P4HA1: variants seen among roughly 807,000 people sequenced by gnomAD.
P4HA1 encodes prolyl 4-hydroxylase subunit alpha 1.
Under a neutral mutation model 72.8 loss-of-function variants are expected in P4HA1, and 24 were observed. That is an observed-to-expected ratio of 0.33 (90% CI 0.24 to 0.46). P4HA1 has a LOEUF of 0.46. Ranked by LOEUF, P4HA1 falls within the 20% of genes least tolerant of loss-of-function variation. The pLI, the probability that P4HA1 is intolerant of heterozygous loss-of-function variation, is 1.00. For synonymous variants in P4HA1, 201 were observed against 218.8 expected (o/e 0.92, Z 0.72); for missense variants, 446 against 640.6 (o/e 0.70, Z 3.28).
At chr10:73,011,444 T>C (rs1839907571) in intron 12 of P4HA1, among the ~76,000 whole-genome samples, 1 of 152,190 alleles carries the variant, frequency 6.6e-6, no homozygotes, top group Non-Finnish European at 1.5e-5. Context: ...TGATCATTAA[T>C]GTCTAGAACA....
At chr10:73,093,861 AAAAAAAAAAAAAATATATATATATAT>A in intron 1 of P4HA1, among the ~76,000 whole-genome samples, 1 of 71,416 alleles carries the variant, frequency 1.4e-5, no homozygotes, top group African/African-American at 6.7e-5. Context: ...AAAAAAAAAA[AAAAAAAAAAAAAATATATATATATAT>A]ATATATATAT....
chr10:73,018,558 C>T (rs1472224346), intron 10 of P4HA1, among the ~76,000 whole-genome samples: 1 of 152,126 alleles, frequency 6.6e-6, no homozygotes, highest in South Asian at 2.1e-4. Context: ...TGTACCTGGC[C>T]TCAGAGTCTG....
intron 1 of P4HA1, among the ~76,000 whole-genome samples, chr10:73,091,192 AAATAAAT>A (rs1842024060): frequency 6.6e-6 from 1 of 151,902 alleles, no homozygotes; most frequent in African/African-American, 2.4e-5. Flanking sequence ...ATAAATAAAT[AAATAAAT>A]AAAAAGGAGG....
chr10:73,096,376 G>C lies in P4HA1; in HGVS notation c.-33+390C>G, dbSNP rs555811807. 3.3e-5 allele frequency among the ~76,000 whole-genome samples: 5 copies of C among 152,052 alleles called. No homozygotes were observed. In the East Asian group the frequency reaches 7.7e-4, roughly 23 times the overall value. Reference sequence around the variant, plus strand: ...CCAAAAGCCCACGCCCCGCGCTTGCGTTCCCCTTAGCCTCGTTAGGGAGGA... The same window carrying C: ...CCAAAAGCCCACGCCCCGCGCTTGCCTTCCCCTTAGCCTCGTTAGGGAGGA... On this transcript the variant is annotated intron_variant, in intron 1 of 14. Transcript: ENST00000394890.
intron 10 of P4HA1, among the ~76,000 whole-genome samples, chr10:73,020,348 G>GA (rs1159894802): frequency 6.6e-6 from 1 of 151,648 alleles, no homozygotes; most frequent in Non-Finnish European, 1.5e-5. Flanking sequence ...GACTGAAACA[G>GA]AAAAAAACTG....
In P4HA1 at chr10:73,009,660, T is replaced by C. The variant is rs933362054; in HGVS notation, c.1534+147A>G. On this transcript the variant is annotated intron_variant, in intron 14 of 14. Coordinates refer to ENST00000394890, the MANE Select transcript of P4HA1 (RefSeq NM_001017962.3). ...AAATTCTGATTTCAAATTTGTATTATGATTAGGCACTTGTTTGGCTGAATC... is the reference window on the plus strand; with the variant it reads ...AAATTCTGATTTCAAATTTGTATTACGATTAGGCACTTGTTTGGCTGAATC... 8.0e-6 allele frequency: 4 copies of C among 498,718 alleles called. No individual in the cohort carries two copies. In the Admixed American group the frequency reaches 1.3e-4, roughly 16 times the overall value. 30.9% of individuals were successfully genotyped at this position (498,718 alleles called of 1,614,324 possible).
At chr10:73,043,489 G>A (rs532377016) in intron 9 of P4HA1, among the ~76,000 whole-genome samples, 34 of 152,248 alleles carry the variant, frequency 2.2e-4, no homozygotes, top group African/African-American at 8.2e-4. Context: ...ACTTGCAAAG[G>A]CTTTGTTATA....
intron 5 of P4HA1, among the ~76,000 whole-genome samples, chr10:73,062,702 G>C (rs1841339293): frequency 6.6e-6 from 1 of 152,174 alleles, no homozygotes; most frequent in African/African-American, 2.4e-5. Context: ...ACCGGACTTA[G>C]CTATAACCTA....
In P4HA1 at chr10:73,072,066, A is replaced by G. The variant is rs1449729619; in HGVS notation, c.288T>C (p.Ser96=). Residue 96 remains serine (S), a synonymous_variant, in exon 4 of 15, where the codon AGT becomes AGC. Coordinates refer to ENST00000394890, the MANE Select transcript of P4HA1 (RefSeq NM_001017962.3). ...KLMKRLNTEW[S]ELENLVLKDM... ...CCTTAAGGACCAGATTCTCCAACTC[A>G]CTCCACTCAGTATTCAGACGTTTCA... is the stretch of plus-strand genomic sequence containing the variant. 6.2e-7 allele frequency: 1 copy of G among 1,612,496 alleles called. No individual in the cohort carries two copies. Among genetic ancestry groups the G allele is most frequent in the Non-Finnish European group, 8.5e-7 (1 of 1,178,948 alleles).
intron 5 of P4HA1, among the ~76,000 whole-genome samples, chr10:73,060,615 T>C (rs1036766970): frequency 2.8e-4 from 43 of 152,080 alleles, no homozygotes; most frequent in African/African-American, 8.7e-4. Flanking sequence ...CCAAGGCTCA[T>C]TGAAGAAATG....
chr10:73,047,549 C>CAA (rs1167975608), intron 7 of P4HA1, among the ~76,000 whole-genome samples: 775 of 59,004 alleles, frequency 0.013, 7 homozygotes, highest in East Asian at 0.02. Context: ...ATGCTTGTGG[C>CAA]AAAAAAAAAA....
chr10:73,032,168 T>C (rs76254525), intron 9 of P4HA1, among the ~76,000 whole-genome samples: 7,960 of 152,258 alleles, frequency 0.052, 661 homozygotes, highest in African/African-American at 0.17. Context: ...GATAATGTAT[T>C]TCCTACTTCA....
chr10:73,092,679 T>TAA (rs74340982), intron 1 of P4HA1, among the ~76,000 whole-genome samples: 5 of 141,134 alleles, frequency 3.5e-5, no homozygotes, highest in South Asian at 2.2e-4. Flanking sequence ...GCCCTGTCTC[T>TAA]AAAAAAAAAA....
At chr10:73,070,870 T>C (rs1841542211) in intron 4 of P4HA1, among the ~76,000 whole-genome samples, 1 of 152,088 alleles carries the variant, frequency 6.6e-6, no homozygotes, top group African/African-American at 2.4e-5. Context: ...AGAATAAATA[T>C]ATCGATTTCC....
chr10:73,073,772 A>G lies in P4HA1; in HGVS notation c.132T>C (p.Asp44=), dbSNP rs144977844. Reference sequence around the variant, plus strand: ...ACTTGTCCTCTTCTGCCTTAATATAATCTTTCAGAGAAGTCACCAGATCTT... The same window carrying G: ...ACTTGTCCTCTTCTGCCTTAATATAGTCTTTCAGAGAAGTCACCAGATCTT... ...TEKDLVTSLK[D]YIKAEEDKLE... is the part of the protein sequence containing the mutation. The change falls in exon 3 of 15, where the codon GAT becomes GAC. Residue 44 remains aspartate, a synonymous_variant. Transcript: ENST00000394890. 6.3e-7 allele frequency: 1 copy of G among 1,589,486 alleles called. No homozygotes were observed. The highest frequency in any genetic ancestry group is 1.3e-5 in the African/African-American group (1 of 74,484).
At chr10:73,085,896 G>A (rs1164542838) in intron 1 of P4HA1, among the ~76,000 whole-genome samples, 4 of 152,184 alleles carry the variant, frequency 2.6e-5, no homozygotes, top group Admixed American at 2.6e-4. Flanking sequence ...GGGAGACTGA[G>A]GCAGGAGGAT....
Position 73,009,880 on chromosome 10 carries a change from A to C in P4HA1, c.1461T>G (p.Asn487Lys). ...AATCTCCTTCTCCACTGGCAAACAG[A>C]TTATACCAGAAAACAGCAGTTCCCT... ...PKKGTAVFWY[N>K]LFASGEGDYS... The change falls in exon 14 of 15, where the codon AAT becomes AAG. Residue 487 changes from asparagine (N) to lysine (K), a missense_variant. Physicochemically the swap from Asn to Lys is moderately conservative, Grantham distance 94. Coordinates refer to ENST00000394890, the MANE Select transcript of P4HA1 (RefSeq NM_001017962.3). 1.2e-6 allele frequency: 2 copies of C among 1,607,994 alleles called. No homozygotes were observed. The highest frequency in any genetic ancestry group is 1.7e-6 in the Non-Finnish European group (2 of 1,174,480).
At chr10:73,070,920 C>T (rs1841543937) in intron 4 of P4HA1, among the ~76,000 whole-genome samples, 2 of 152,060 alleles carry the variant, frequency 1.3e-5, no homozygotes, top group African/African-American at 4.8e-5. Flanking sequence ...ATGGCTCACG[C>T]GTGTAATCCC....
intron 7 of P4HA1, 45 bp downstream of exon 7, chr10:73,051,008 T>TAC (rs754592987): frequency 3.0e-6 from 4 of 1,345,214 alleles, no homozygotes; most frequent in Admixed American, 1.8e-5. Context: ...TACAAACACA[T>TAC]ACACACACAC....
Sources: gnomAD v4.1 joint callset for allele counts (sites outside exome capture counted in the v4.1 genomes callset) on GRCh38, gnomAD v4.1.1 for gene constraint, MANE v1.5 for transcripts, NCBI Gene and HGNC (gene_info 2026-07-23, HGNC 2026-07-21) for gene names.